Variants in CDKN2A observed in about 807,000 individuals in gnomAD.
CDKN2A encodes cyclin-dependent kinase inhibitor 2A.
In CDKN2A, 3 loss-of-function variants were observed where a neutral mutation model predicts 11.1. The observed-to-expected ratio is 0.27, with a 90% CI of 0.12 to 0.70. The LOEUF is 0.70. Among genes scored for constraint, CDKN2A ranks in the 30% least tolerant of loss-of-function variants. The pLI is 0.77. For synonymous variants in CDKN2A, 122 were observed against 108.1 expected (o/e 1.13, Z -0.80); for missense variants, 265 against 233.6 (o/e 1.13, Z -0.88).
In CDKN2A at chr9:21,968,552, A is replaced by ATT. The variant is rs1186951310; in HGVS notation, c.458-311_458-310insAA. The ATT allele has an allele frequency of 6.2e-6, 9 of 1,457,088 alleles. No individual in the cohort carries two copies. Among genetic ancestry groups the ATT allele is most frequent in the Admixed American group, 2.6e-5 (1 of 38,506 alleles). The allele number at this position is 1,457,088 out of a possible 1,614,324, so 90.3% of individuals were successfully genotyped here. On this transcript the variant is annotated intron_variant, in intron 2 of 2. Transcript: ENST00000304494. The surrounding 1 kb of genome is among the most constrained non-coding windows in gnomAD (Gnocchi z 4.7). The stretch of plus-strand genomic sequence containing the variant: ...TGCAAGAAGAAAACGAGTGTTATAT[A>ATT]ATGAGTCTCAGTGGTTGCTCACAAT...
upstream of CDKN2A, among the ~76,000 whole-genome samples, chr9:21,979,092 T>C (rs964660329): frequency 6.6e-6 from 1 of 152,140 alleles, no homozygotes; most frequent in African/African-American, 2.4e-5. Flanking sequence ...TGAGAGCTGA[T>C]CCCAGTCTTG....
upstream of CDKN2A, among the ~76,000 whole-genome samples, chr9:21,975,705 C>G (rs917476231): frequency 5.3e-5 from 8 of 152,152 alleles, no homozygotes; most frequent in African/African-American, 1.7e-4. Context: ...TGCCTGTAGG[C>G]AGATAGGAAA....
At chr9:21,983,699 T>C (rs1293734727) in intron 2 of CDKN2A, among the ~76,000 whole-genome samples, 2 of 152,050 alleles carry the variant, frequency 1.3e-5, no homozygotes. Flanking sequence ...CTAATAAATG[T>C]TTGCTGTAGC....
At chr9:21,974,885 C>CCGA, upstream of CDKN2A, 1 of 1,467,410 alleles carries the variant, frequency 6.8e-7, no homozygotes, top group Non-Finnish European at 8.9e-7. This position sits in a 1 kb window ranked among gnomAD's most constrained non-coding sequence, Gnocchi z 5.2. Context: ...CGAGCGCACG[C>CCGA]GGTCCGCCCC....
intron 1 of CDKN2A, 56 bp from the exon 2 acceptor site, chr9:21,971,264 G>A (rs1819733369): frequency 6.4e-7 from 1 of 1,564,866 alleles, no homozygotes; most frequent in Middle Eastern, 1.7e-4. Context: ...TGACGGAAAG[G>A]AAGCTTGTGT....
chr9:21,994,966 C>G (rs1820574671), exon 1 of CDKN2A: 1 of 152,342 alleles, frequency 6.6e-6, no homozygotes, highest in African/African-American at 2.4e-5. Context: ...GAAAGGAAAG[C>G]GAGGTCATCT....
rs1372037667 is a variant in CDKN2A, at chr9:21,995,172, T to C, written c.-527A>G. The C allele has an allele frequency of 6.6e-6, 1 of 151,460 alleles. No homozygotes were observed. Among genetic ancestry groups the C allele is most frequent in the Non-Finnish European group, 1.5e-5 (1 of 67,856 alleles). 9.4% of individuals were successfully genotyped at this position (151,460 alleles called of 1,614,324 possible). The stretch of plus-strand genomic sequence containing the variant: ...CTGGCGCCGGACTAGGTAGGTGGAG[T>C]CGCACCCGGGGGTCCCAGCTGGGTC... On this transcript the variant is annotated 5_prime_UTR_variant, in exon 1 of 4. Coordinates refer to the CDKN2A transcript ENST00000494262. The surrounding 1 kb of genome is among the most constrained non-coding windows in gnomAD (Gnocchi z 5.7).
chr9:21,978,576 ATTG>A (rs1337469537), upstream of CDKN2A, among the ~76,000 whole-genome samples: 23 of 152,302 alleles, frequency 1.5e-4, no homozygotes, highest in Admixed American at 1.4e-3. Flanking sequence ...TTTGTTGGTT[ATTG>A]TTATTATTAT....
chr9:21,980,734 C>G (rs544866849), intron 2 of CDKN2A, among the ~76,000 whole-genome samples: 1 of 151,132 alleles, frequency 6.6e-6, no homozygotes, highest in Admixed American at 6.6e-5. Flanking sequence ...CCGAGGCGGG[C>G]GGATCACGAG....
At chr9:21,976,953 A>T (rs984241769), upstream of CDKN2A, among the ~76,000 whole-genome samples, 1 of 152,254 alleles carries the variant, frequency 6.6e-6, no homozygotes, top group African/African-American at 2.4e-5. Context: ...CTGATGCCTT[A>T]AGCACATGCT....
chr9:21,969,456 C>T (rs1393204483), intron 2 of CDKN2A: 1 of 324,180 alleles, frequency 3.1e-6, no homozygotes, highest in Non-Finnish European at 5.6e-6. Context: ...CCACCTAGAA[C>T]AGGGCTGATC....
At chr9:21,976,013 G>A (rs1377494382), upstream of CDKN2A, among the ~76,000 whole-genome samples, 1 of 152,154 alleles carries the variant, frequency 6.6e-6, no homozygotes, top group Non-Finnish European at 1.5e-5. Flanking sequence ...CACATCCTAA[G>A]CTAATACCTG....
chr9:21,989,094 GA>G (rs3731200), intron 2 of CDKN2A, among the ~76,000 whole-genome samples: 1 of 151,700 alleles, frequency 6.6e-6, no homozygotes, highest in Admixed American at 6.6e-5. Context: ...TCAACAAATA[GA>G]AAAAAAACGC....
chr9:21,971,940 C>CA lies in CDKN2A; in HGVS notation c.151-733dup, dbSNP rs556300045. 5.1e-4 allele frequency among the ~76,000 whole-genome samples: 77 copies of CA among 151,772 alleles called. 2 individuals are homozygous for CA. The highest frequency in any genetic ancestry group is 4.2e-3 in the South Asian group (20 of 4,804). ...ATTCATCATGCTATGAAACACATCT[C>CA]AAAAAAAACAATCAAACTTATTCCT... On this transcript the variant is annotated intron_variant, in intron 1 of 2. Transcript: ENST00000304494.
intron 1 of CDKN2A, among the ~76,000 whole-genome samples, chr9:21,971,595 T>TTTTTTTTA (rs1819764570): frequency 6.7e-6 from 1 of 150,304 alleles, no homozygotes. Flanking sequence ...TTTTTTTTGT[T>TTTTTTTTA]CACTGCTGTA....
chr9:21,977,060 G>T (rs1249744548), upstream of CDKN2A, among the ~76,000 whole-genome samples: 1 of 152,172 alleles, frequency 6.6e-6, no homozygotes, highest in Non-Finnish European at 1.5e-5. Flanking sequence ...TGTACTTTTA[G>T]TGTCTGCTTG....
chr9:21,971,204 A>G lies in CDKN2A; in HGVS notation c.155T>C (p.Met52Thr), dbSNP rs752573958. The G allele has an allele frequency of 1.9e-6, 3 of 1,597,740 alleles. No homozygotes were observed. In the Admixed American group the frequency reaches 5.0e-5, roughly 27 times the overall value. ...CGCCACTCGGGCGCTGCCCATCATCATGACCTGCCAGAGAGAACAGAATGG... is the reference window on the plus strand; with the variant it reads ...CGCCACTCGGGCGCTGCCCATCATCGTGACCTGCCAGAGAGAACAGAATGG... ...NSYGRRPIQV[M>T]MMGSARVAEL... The change falls in exon 2 of 3, where the codon ATG becomes ACG. Residue 52 changes from methionine (M) to threonine (T), a missense_variant. Coordinates refer to ENST00000304494, the MANE Select transcript of CDKN2A (RefSeq NM_000077.5).
chr9:21,969,781 A>G (rs1819608796), intron 2 of CDKN2A: 1 of 362,070 alleles, frequency 2.8e-6, no homozygotes, highest in East Asian at 3.9e-5. Flanking sequence ...CGGGACCTGG[A>G]TGCTAGCTGT....
upstream of CDKN2A, among the ~76,000 whole-genome samples, chr9:21,976,136 T>G (rs1051085904): frequency 2.0e-5 from 3 of 152,040 alleles, no homozygotes; most frequent in Non-Finnish European, 4.4e-5. Flanking sequence ...CCCAGCACTT[T>G]GGGAAGCCGA....
Sources: allele counts gnomAD v4.1 joint callset (sites outside exome capture counted in the v4.1 genomes callset), GRCh38; gene constraint gnomAD v4.1.1; non-coding constraint Gnocchi (gnomAD v3.1); transcripts MANE v1.5; gene names NCBI Gene and HGNC (gene_info 2026-07-23, HGNC 2026-07-21).